ITGAD: variants seen among roughly 807,000 people sequenced by gnomAD.
ITGAD encodes integrin alpha-D.
Under a neutral mutation model 139.0 loss-of-function variants are expected in ITGAD, and 105 were observed. That is an observed-to-expected ratio of 0.76 (90% CI 0.65 to 0.89). The LOEUF is 0.89. Among genes scored for constraint, ITGAD ranks in the 40% least tolerant of loss-of-function variants. The probability of loss-of-function intolerance (pLI) is 0.00; values close to 1 mark genes in which losing one functional copy is unlikely to be tolerated. For synonymous variants in ITGAD, 569 were observed against 598.3 expected (o/e 0.95, Z 0.71); for missense variants, 1,384 against 1,487.3 (o/e 0.93, Z 1.14).
Position 31,403,861 on chromosome 16 carries a change from C to A in ITGAD, c.704+216C>A. On this transcript the variant is annotated intron_variant, in intron 7 of 29. Transcript: ENST00000389202. This position sits in a 1 kb window ranked among gnomAD's most constrained non-coding sequence, Gnocchi z 4.4. ...GGACTAGGCTCCTCTGCAGCTATGC[C>A]TCCCCTTTGCCTGGTTCTGCAGAGC... 1 of 569,388 alleles carries A rather than the reference C, an allele frequency of 1.8e-6. No individual in the cohort carries two copies. Among genetic ancestry groups the A allele is most frequent in the East Asian group, 3.1e-5 (1 of 32,772 alleles). 35.3% of individuals were successfully genotyped at this position (569,388 alleles called of 1,614,324 possible). A position where few individuals can be genotyped will look rare whatever the true frequency, so the allele number is the denominator to read the frequency against.
chr16:31,416,401 T>C, intron 19 of ITGAD, 104 bp from the exon 20 acceptor site: 1 of 1,524,266 alleles, frequency 6.6e-7, no homozygotes. Flanking sequence ...CACTGGATTG[T>C]TATTGGCCCA....
At position 31,403,612 on chromosome 16, in the gene ITGAD, T is replaced by C. The variant is rs111341754; in HGVS notation, c.671T>C (p.Leu224Pro). ...GATCCCATCGTCCAACTGAAAGGCC[T>C]GACGTTCACGGCCACGGGCATCCTG... Reference protein sequence around the residue: ...LVDPIVQLKGLTFTATGILTV... With the variant: ...LVDPIVQLKGPTFTATGILTV... The change falls in exon 7 of 30, where the codon CTG becomes CCG. Residue 224 changes from leucine (L) to proline (P), a missense_variant. Leu to Pro is a moderately conservative substitution (Grantham distance 98, BLOSUM62 -3). Coordinates refer to ENST00000389202, the MANE Select transcript of ITGAD (RefSeq NM_005353.3). This position sits in a 1 kb window ranked among gnomAD's most constrained non-coding sequence, Gnocchi z 4.4. 1 of 1,614,130 alleles carries C rather than the reference T, an allele frequency of 6.2e-7. No homozygotes were observed. The highest frequency in any genetic ancestry group is 8.5e-7 in the Non-Finnish European group (1 of 1,180,016).
intron 23 of ITGAD, among the ~76,000 whole-genome samples, chr16:31,421,635 C>T (rs777254003): frequency 6.6e-6 from 1 of 151,930 alleles, no homozygotes; most frequent in African/African-American, 2.4e-5. Flanking sequence ...ATGGAGGAGT[C>T]CCTGTGTGCT....
Position 31,426,035 on chromosome 16 carries a change from C to T in ITGAD, c.3393C>T (p.His1131=), listed in dbSNP as rs144912200. The T allele has an allele frequency of 6.2e-7, 1 of 1,613,766 alleles. No individual in the cohort carries two copies. Among genetic ancestry groups the T allele is most frequent in the African/African-American group, 1.3e-5 (1 of 75,048 alleles). ...GATAGCTTGGCTTCTTCAAACGCCACTACAAGGAAATGCTGGAGGACAAGC... is the reference window on the plus strand; with the variant it reads ...GATAGCTTGGCTTCTTCAAACGCCATTACAAGGAAATGCTGGAGGACAAGC... The part of the protein sequence containing the change: ...TLYKLGFFKR[H]YKEMLEDKPE... Residue 1131 remains histidine, a synonymous_variant, in exon 30 of 30, where the codon CAC becomes CAT. Coordinates refer to ENST00000389202, the MANE Select transcript of ITGAD (RefSeq NM_005353.3).
Position 31,410,363 on chromosome 16 carries a change from C to A in ITGAD, c.1084-32C>A, listed in dbSNP as rs759498386. On this transcript the variant is annotated intron_variant, in intron 10 of 29. Transcript: ENST00000389202. The stretch of plus-strand genomic sequence containing the variant: ...GGATATGCTGTCTTCCCGCTCTAGT[C>A]TCTGCCCAGCCCTGGAATTCTTTCC... The A allele has an allele frequency of 2.5e-6, 4 of 1,613,606 alleles. No homozygotes were observed. In the South Asian group the frequency reaches 4.4e-5, roughly 18 times the overall value.
rs751116138 is a variant in ITGAD at position 31,403,477 on chromosome 16, G to A, written c.559-23G>A. On this transcript the variant is annotated intron_variant, in intron 6 of 29. Transcript: ENST00000389202. The surrounding 1 kb of genome is among the most constrained non-coding windows in gnomAD (Gnocchi z 4.4). ...AATAGTAACAGGCACTGAGCCCTGGGCCCTCCCCACTGGCCTTTGCAGTTT... is the reference window on the plus strand; with the variant it reads ...AATAGTAACAGGCACTGAGCCCTGGACCCTCCCCACTGGCCTTTGCAGTTT... The A allele has an allele frequency of 6.2e-7, 1 of 1,613,948 alleles. No individual in the cohort carries two copies. The highest frequency in any genetic ancestry group is 2.2e-5 in the East Asian group (1 of 44,860).
chr16:31,424,883 G>C (rs1567357960), intron 29 of ITGAD, among the ~76,000 whole-genome samples: 1 of 152,006 alleles, frequency 6.6e-6, no homozygotes, highest in Non-Finnish European at 1.5e-5. Flanking sequence ...ACAGGTGTGA[G>C]CCACCTCATC....
At position 31,416,593 on chromosome 16, in the gene ITGAD, G is replaced by A; in HGVS notation, c.2446G>A (p.Val816Ile). ...AGGTGAGGATTCCTACGGAACCGTGGTCAGCCTCTACTATCCAGCAGGGCT... is the reference window on the plus strand; with the variant it reads ...AGGTGAGGATTCCTACGGAACCGTGATCAGCCTCTACTATCCAGCAGGGCT... The part of the protein sequence containing the change: ...NAGEDSYGTV[V>I]SLYYPAGLSH... Residue 816 changes from valine (V) to isoleucine (I), a missense_variant, in exon 20 of 30, where the codon GTC becomes ATC. Transcript: ENST00000389202. The A allele has an allele frequency of 1.2e-6, 2 of 1,613,908 alleles. No individual in the cohort carries two copies. The highest frequency in any genetic ancestry group is 1.7e-6 in the Non-Finnish European group (2 of 1,179,852).
Position 31,410,906 on chromosome 16 carries a change from G to T in ITGAD, c.1356+28G>T, listed in dbSNP as rs756269384. 3 of 1,609,182 alleles carry T rather than the reference G, an allele frequency of 1.9e-6. No individual in the cohort carries two copies. The East Asian group carries it at 6.7e-5, about 36-fold the overall frequency. On this transcript the variant is annotated intron_variant, in intron 12 of 29. Coordinates refer to ENST00000389202, the MANE Select transcript of ITGAD (RefSeq NM_005353.3). ...TGGGCGTGACAGGAGCCAGAGGGGA[G>T]GATGAGGGTGGGGAGGATGAGGGTG...
At position 31,424,476 on chromosome 16, in the gene ITGAD, G is replaced by A. The variant is rs750369318; in HGVS notation, c.3271G>A (p.Val1091Met). The A allele has an allele frequency of 4.1e-5, 66 of 1,613,176 alleles. No individual in the cohort carries two copies. The highest frequency in any genetic ancestry group is 2.7e-4 in the Admixed American group (16 of 59,936). Residue 1091 changes from valine (V) to methionine (M), a missense_variant, in exon 29 of 30, where the codon GTG becomes ATG. Transcript: ENST00000389202. ...EAFMRAQMEMVLEEDEVYNAI... is the reference protein window; with the variant it reads ...EAFMRAQMEMMLEEDEVYNAI... ...CTGATCTCTAAATCAGATGGAGATG[G>A]TGCTAGAAGAAGACGAGGTCTACAA... is the stretch of plus-strand genomic sequence containing the variant.
rs549409440 is a variant in ITGAD at position 31,411,012 on chromosome 16, G to A, written c.1357-64G>A. The A allele has an allele frequency of 2.6e-5, 42 of 1,603,846 alleles. No homozygotes were observed. The East Asian group carries it at 8.9e-4, about 34-fold the overall frequency. ...GGTCCTGGTACCTGGGGAGAGGCGG[G>A]ACCCTGGCCCACAGGGCTGCCTCTG... is the stretch of plus-strand genomic sequence containing the variant. On this transcript the variant is annotated intron_variant, in intron 12 of 29. Coordinates refer to ENST00000389202, the MANE Select transcript of ITGAD (RefSeq NM_005353.3).
Position 31,423,318 on chromosome 16 carries a change from G to T in ITGAD, c.2860-34G>T, listed in dbSNP as rs751515972. On this transcript the variant is annotated intron_variant, in intron 24 of 29. Coordinates refer to ENST00000389202, the MANE Select transcript of ITGAD (RefSeq NM_005353.3). The stretch of plus-strand genomic sequence containing the variant: ...GAAGTAGGATTTGGAAGGCTCCAGA[G>T]ACCACAATAACACTCTGCCTTGATT... 3.7e-6 allele frequency: 6 copies of T among 1,603,302 alleles called. No individual in the cohort carries two copies. In the East Asian group the frequency reaches 1.3e-4, roughly 36 times the overall value.
chr16:31,397,894 C>T lies in ITGAD; in HGVS notation c.412C>T (p.Pro138Ser). The T allele has an allele frequency of 6.2e-7, 1 of 1,612,216 alleles. No individual in the cohort carries two copies. Among genetic ancestry groups the T allele is most frequent in the Non-Finnish European group, 8.5e-7 (1 of 1,179,334 alleles). ...GCGCTGGGAGATCATCCAGACAGTC[C>T]CCGACGCCACGCCAGGTAGGTCCCT... ...GSRWEIIQTV[P>S]DATPECPHQE... The change falls in exon 5 of 30, where the codon CCC (proline) becomes TCC (serine). Residue 138 changes from proline (P) to serine (S), a missense_variant. Pro to Ser is a moderately conservative substitution (Grantham distance 74). Transcript: ENST00000389202.
At chr16:31,407,951 G>A in intron 9 of ITGAD, 35 bp downstream of exon 9, 1 of 1,542,308 alleles carries the variant, frequency 6.5e-7, no homozygotes, top group Non-Finnish European at 8.8e-7. Context: ...GGGAGCCAAG[G>A]GGTCCCCACC....
At chr16:31,395,234 C>T (rs569131538) in intron 2 of ITGAD, among the ~76,000 whole-genome samples, 8 of 152,096 alleles carry the variant, frequency 5.3e-5, no homozygotes, top group East Asian at 3.9e-4. Flanking sequence ...GCAGGAGAAT[C>T]GCTTGAACCT....
rs775259972 is a variant in ITGAD, at chr16:31,424,146, G to T, written c.3204G>T (p.Thr1068=). ...KVLVVSVAEI[T]FDTSVYSQLP... ...TGGTCGTGAGTGTGGCTGAAATTACGTTCGACACATCCGTGTACTCCCAGC... is the reference window on the plus strand; with the variant it reads ...TGGTCGTGAGTGTGGCTGAAATTACTTTCGACACATCCGTGTACTCCCAGC... Residue 1068 remains threonine (T), a synonymous_variant, in exon 28 of 30, where the codon ACG becomes ACT. Coordinates refer to ENST00000389202, the MANE Select transcript of ITGAD (RefSeq NM_005353.3). The T allele has an allele frequency of 1.5e-5, 24 of 1,614,060 alleles. No individual in the cohort carries two copies. The highest frequency in any genetic ancestry group is 2.0e-5 in the Non-Finnish European group (24 of 1,180,050).
intron 1 of ITGAD, 126 bp downstream of exon 1, chr16:31,393,517 C>A: frequency 1.0e-6 from 1 of 999,128 alleles, no homozygotes; most frequent in Non-Finnish European, 1.6e-6. Context: ...CAGGGGAGTG[C>A]TTCATGTGCG....
chr16:31,417,210 A>ATATT (rs201764894), intron 20 of ITGAD, among the ~76,000 whole-genome samples: 82,418 of 122,538 alleles, frequency 0.67, 28,691 homozygotes, highest in South Asian at 0.77. Context: ...CGCCCAGCTA[A>ATATT]TATTTATTTA....
chr16:31,406,115 C>T (rs1225483492), intron 7 of ITGAD, among the ~76,000 whole-genome samples: 1 of 151,850 alleles, frequency 6.6e-6, no homozygotes. Flanking sequence ...TGCTCTGTCG[C>T]CCAGGCTGGA....
Sources: gnomAD v4.1 joint callset for allele counts (sites outside exome capture counted in the v4.1 genomes callset) on GRCh38, gnomAD v4.1.1 for gene constraint, Gnocchi (gnomAD v3.1) non-coding constraint, MANE v1.5 for transcripts, NCBI Gene and HGNC (gene_info 2026-07-23, HGNC 2026-07-21) for gene names.